NAV2: variants seen among roughly 807,000 people sequenced by gnomAD.
NAV2 encodes neuron navigator 2.
Under a neutral mutation model 223.2 loss-of-function variants are expected in NAV2, and 54 were observed. That is an observed-to-expected ratio of 0.24 (90% confidence interval 0.19 to 0.30). The LOEUF is 0.30. Ranked by LOEUF, NAV2 falls within the 10% of genes least tolerant of loss-of-function variation. The pLI is 1.00. For synonymous variants in NAV2, 1,279 were observed against 1,239.3 expected (o/e 1.03, Z -0.67); for missense variants, 2,806 against 3,147.5 (o/e 0.89, Z 2.60).
chr11:19,822,900 T>A, intron 1 of NAV2, among the ~76,000 whole-genome samples: 1 of 152,190 alleles, frequency 6.6e-6, no homozygotes, highest in Non-Finnish European at 1.5e-5. Flanking sequence ...GAGTCTTACC[T>A]GGCTCAAGAT....
intron 1 of NAV2, among the ~76,000 whole-genome samples, chr11:19,777,042 C>A (rs2152643313): frequency 6.6e-6 from 1 of 151,832 alleles, no homozygotes; most frequent in South Asian, 2.1e-4. Flanking sequence ...CCGGGTGCCA[C>A]GCGGGGCGGC....
At chr11:19,882,052 G>A (rs576577596) in intron 5 of NAV2, among the ~76,000 whole-genome samples, 96 of 152,260 alleles carry the variant, frequency 6.3e-4, no homozygotes, top group African/African-American at 2.0e-3. Flanking sequence ...AACTGGATAG[G>A]GTTTGGACTC....
chr11:19,715,016 G>A (rs938066068), intron 1 of NAV2, among the ~76,000 whole-genome samples: 5 of 152,130 alleles, frequency 3.3e-5, no homozygotes, highest in African/African-American at 1.2e-4. Flanking sequence ...CAACAGACCA[G>A]CTGACCTTTT....
rs112041042 is a variant in NAV2 at position 19,482,009 on chromosome 11, G to A, written c.75+130982G>A. ...CAGAATCCCAGGCAAATAAATAGGAGGTCTGACTCAGGTGGAAGATTCTTA... is the reference window on the plus strand; with the variant it reads ...CAGAATCCCAGGCAAATAAATAGGAAGTCTGACTCAGGTGGAAGATTCTTA... On this transcript the variant is annotated intron_variant, in intron 1 of 37. Transcript: ENST00000360655. 9.4e-3 allele frequency among the ~76,000 whole-genome samples: 1,430 copies of A among 152,246 alleles called. 18 individuals carry two copies. Among genetic ancestry groups the A allele is most frequent in the African/African-American group, 0.031 (1,298 of 41,542 alleles).
At chr11:19,825,595 A>T (rs1565381046) in intron 1 of NAV2, among the ~76,000 whole-genome samples, 2 of 152,220 alleles carry the variant, frequency 1.3e-5, no homozygotes, top group Non-Finnish European at 2.9e-5. Flanking sequence ...CTAAGGCTCC[A>T]TTCTAGCACT....
chr11:19,618,658 A>C lies in NAV2; in HGVS notation c.76-213826A>C. Reference sequence around the variant, plus strand: ...GTGGTGGTGGGGAGCCATAGATTTGACATGCAGATGGGGCCAGACAAAGAA... The same window carrying C: ...GTGGTGGTGGGGAGCCATAGATTTGCCATGCAGATGGGGCCAGACAAAGAA... On this transcript the variant is annotated intron_variant, in intron 1 of 37. Transcript: ENST00000360655. 1.3e-5 allele frequency among the ~76,000 whole-genome samples: 2 copies of C among 152,134 alleles called. 1 individual carries two copies.
At chr11:19,583,285 G>T (rs9667852) in intron 1 of NAV2, among the ~76,000 whole-genome samples, 101,986 of 152,092 alleles carry the variant, frequency 0.67, 40,499 homozygotes, top group Non-Finnish European at 0.88. Context: ...GGGCTGAGAC[G>T]ATGGGGTTTT....
At chr11:19,683,803 A>ATT (rs1464406343) in intron 1 of NAV2, among the ~76,000 whole-genome samples, 1 of 152,248 alleles carries the variant, frequency 6.6e-6, no homozygotes, top group Non-Finnish European at 1.5e-5. Context: ...ACAAGGCCAC[A>ATT]TTTCACCAAC....
intron 1 of NAV2, among the ~76,000 whole-genome samples, chr11:19,508,403 G>C (rs552069786): frequency 6.6e-6 from 1 of 152,240 alleles, no homozygotes; most frequent in South Asian, 2.1e-4. Flanking sequence ...CACAAAACCA[G>C]CCCCTTGGAC....
At position 19,998,713 on chromosome 11, in the gene NAV2, C is replaced by A. The variant is rs894100976; in HGVS notation, c.2768+14466C>A. ...CTGCATAGACTGTGCTTCCCCCCCT[C>A]TCTCCTTTTCTCCTTATAAGCCTGG... is the stretch of plus-strand genomic sequence containing the variant. On this transcript the variant is annotated intron_variant, in intron 11 of 37. Coordinates refer to ENST00000349880, the MANE Select transcript of NAV2 (RefSeq NM_145117.5). The surrounding 1 kb of genome is among the most constrained non-coding windows in gnomAD (Gnocchi z 5.0). Among the ~76,000 whole-genome samples, 2 of 151,618 alleles carry A rather than the reference C, an allele frequency of 1.3e-5. No homozygotes were observed. The highest frequency in any genetic ancestry group is 6.6e-5 in the Admixed American group (1 of 15,218).
intron 11 of NAV2, among the ~76,000 whole-genome samples, chr11:20,029,459 T>C (rs2055476049): frequency 6.6e-6 from 1 of 152,210 alleles, no homozygotes; most frequent in Non-Finnish European, 1.5e-5. Context: ...CTTTAGGAGA[T>C]ATGGGAGGCT....
rs1590692116 is a variant in NAV2 at position 19,814,622 on chromosome 11, G to A, written c.268-17862G>A. Among the ~76,000 whole-genome samples the A allele has an allele frequency of 7.9e-5, 12 of 152,248 alleles. No individual in the cohort carries two copies. The South Asian group carries it at 2.5e-3, about 32-fold the overall frequency. ...GGCGCTCTGGTTTTACAATCAGAAT[G>A]GCCACTTTTTTGTTTGTTTGTTTTG... On this transcript the variant is annotated intron_variant, in intron 1 of 37. Transcript: ENST00000349880.
In NAV2 at chr11:20,119,104, G is replaced by C. The variant is rs1383479137; in HGVS notation, c.*846G>C. The C allele has an allele frequency of 6.7e-6, 1 of 149,966 alleles. No homozygotes were observed. The highest frequency in any genetic ancestry group is 3.2e-3 in the Middle Eastern group (1 of 316). 9.3% of individuals were successfully genotyped at this position (149,966 alleles called of 1,614,324 possible). On this transcript the variant is annotated 3_prime_UTR_variant, in exon 38 of 38. Transcript: ENST00000349880. ...TTTCTGCAAACACTGTGTATAGTGA[G>C]ACTTGTTCTACTTTGGAGAACAGGT...
intron 6 of NAV2, among the ~76,000 whole-genome samples, chr11:19,930,713 C>CTGAA (rs772320717): frequency 2.6e-5 from 4 of 152,078 alleles, no homozygotes; most frequent in African/African-American, 4.8e-5. Flanking sequence ...AATGAATATA[C>CTGAA]TGAATGAATG....
chr11:19,910,366 T>A (rs1315055394), intron 6 of NAV2, among the ~76,000 whole-genome samples: 2 of 152,094 alleles, frequency 1.3e-5, no homozygotes, highest in African/African-American at 4.8e-5. Context: ...CAATGCCAGA[T>A]GAGTGGTCCA....
chr11:19,576,566 A>G (rs528745234), intron 1 of NAV2, among the ~76,000 whole-genome samples: 1 of 152,182 alleles, frequency 6.6e-6, no homozygotes, highest in Non-Finnish European at 1.5e-5. Context: ...ATAATATATA[A>G]TTGCTGTTTA....
At chr11:19,471,517 G>C (rs1247334394) in intron 1 of NAV2, among the ~76,000 whole-genome samples, 2 of 152,096 alleles carry the variant, frequency 1.3e-5, no homozygotes, top group African/African-American at 4.8e-5. Flanking sequence ...ACTGGTGAAG[G>C]AGGTGCTATT....
At chr11:19,624,625 G>A (rs1273412881) in intron 1 of NAV2, among the ~76,000 whole-genome samples, 1 of 152,210 alleles carries the variant, frequency 6.6e-6, no homozygotes, top group Non-Finnish European at 1.5e-5. Context: ...TAGGGTGGGA[G>A]TGACCCAATT....
Position 20,083,122 on chromosome 11 carries a change from C to T in NAV2, c.5441C>T (p.Pro1814Leu), listed in dbSNP as rs567926861. The T allele has an allele frequency of 7.4e-6, 12 of 1,614,050 alleles. No homozygotes were observed. Among genetic ancestry groups the T allele is most frequent in the Middle Eastern group, 1.6e-4 (1 of 6,062 alleles). ...DSSLPSSPKL[P>L]HNGSTGSTPL... ...TCTTTGCCTTCCTCACCAAAGTTAC[C>T]GCACAATGGGTCCACAGGTTCCACC... The change falls in exon 26 of 38, where the codon CCG becomes CTG. Residue 1814 changes from proline to leucine, a missense_variant. Pro to Leu is a moderately conservative substitution (Grantham distance 98). Around this residue, in one of 4 missense-constraint regions of NAV2, gnomAD observed 824 missense variants for 1,069.4 expected, o/e 0.77. Coordinates refer to ENST00000349880, the MANE Select transcript of NAV2 (RefSeq NM_145117.5).
Sources: allele counts gnomAD v4.1 joint callset (sites outside exome capture counted in the v4.1 genomes callset), GRCh38; gene constraint gnomAD v4.1.1; regional missense constraint gnomAD v4.1.1; non-coding constraint Gnocchi (gnomAD v3.1); transcripts MANE v1.5; gene names NCBI Gene and HGNC (gene_info 2026-07-23, HGNC 2026-07-21).